The following OXR1 variants were observed in gnomAD, a reference collection of about 807,000 sequenced individuals.
OXR1 encodes the protein oxidation resistance 1.
Under a neutral mutation model 104.6 loss-of-function variants are expected in OXR1, and 41 were observed. The ratio of observed to expected loss-of-function variants is 0.39; its 90% CI spans 0.31 to 0.51. The LOEUF (loss-of-function observed/expected upper bound fraction) is 0.51, where lower values mean the gene tolerates loss of function less well. OXR1 is among the 20% of genes least tolerant of loss of function. The pLI, the probability that OXR1 is intolerant of heterozygous loss-of-function variation, is 0.77. For synonymous variants in OXR1, 348 were observed against 348.4 expected, an observed-to-expected ratio of 1.00 and a Z score of 0.01; for missense variants, 955 against 1,031.9, an observed-to-expected ratio of 0.93 and a Z score of 1.02.
intron 1 of OXR1, among the ~76,000 whole-genome samples, chr8:106,273,605 A>G (rs185350340): frequency 6.6e-6 from 1 of 152,366 alleles, no homozygotes; most frequent in Admixed American, 6.5e-5. Flanking sequence ...TTGGCTTTCA[A>G]TAAGATGTGC....
chr8:106,651,881 G>A (rs1013107375), intron 3 of OXR1, among the ~76,000 whole-genome samples: 3 of 152,012 alleles, frequency 2.0e-5, no homozygotes, highest in Non-Finnish European at 4.4e-5. Flanking sequence ...AAGTTTTCTA[G>A]TCCATGTATA....
At chr8:106,504,082 G>T (rs1379513631) in intron 2 of OXR1, among the ~76,000 whole-genome samples, 35 of 152,318 alleles carry the variant, frequency 2.3e-4, no homozygotes, top group Admixed American at 2.0e-3. Context: ...ATCTAGTACA[G>T]TGCTTTGAAC....
chr8:106,562,033 G>A (rs1816723031), intron 3 of OXR1, among the ~76,000 whole-genome samples: 1 of 152,086 alleles, frequency 6.6e-6, no homozygotes, highest in Admixed American at 6.6e-5. Flanking sequence ...AGTGCAAAAA[G>A]GCTAAAAATT....
At chr8:106,401,046 A>C (rs1159253042) in intron 2 of OXR1, among the ~76,000 whole-genome samples, 2 of 152,188 alleles carry the variant, frequency 1.3e-5, no homozygotes, top group African/African-American at 4.8e-5. Flanking sequence ...ACTACATGAC[A>C]AATGTTTTTT....
At chr8:106,666,825 T>C (rs1031307117) in intron 3 of OXR1, among the ~76,000 whole-genome samples, 1 of 152,142 alleles carries the variant, frequency 6.6e-6, no homozygotes, top group Non-Finnish European at 1.5e-5. Context: ...GACCTTAACA[T>C]GATTCTTGCT....
chr8:106,472,926 A>G (rs557697361), intron 2 of OXR1, among the ~76,000 whole-genome samples: 1 of 151,836 alleles, frequency 6.6e-6, no homozygotes, highest in African/African-American at 2.4e-5. Flanking sequence ...GTTTTTCCCT[A>G]ACAGTAAGCC....
chr8:106,346,038 T>C (rs1563729354), intron 1 of OXR1, among the ~76,000 whole-genome samples: 1 of 152,134 alleles, frequency 6.6e-6, no homozygotes, highest in Non-Finnish European at 1.5e-5. Context: ...GATGGAATCA[T>C]TGGAATGAAG....
At chr8:106,531,579 G>C (rs1307932863) in intron 3 of OXR1, among the ~76,000 whole-genome samples, 1 of 152,018 alleles carries the variant, frequency 6.6e-6, no homozygotes, top group Non-Finnish European at 1.5e-5. Flanking sequence ...AATATCATAG[G>C]TGCCCACAGA....
intron 2 of OXR1, among the ~76,000 whole-genome samples, chr8:106,469,036 G>GT (rs1349734476): frequency 2.0e-5 from 3 of 150,766 alleles, no homozygotes; most frequent in East Asian, 2.0e-4. Context: ...TGTTGTTGTT[G>GT]TGTGTGTGTG....
intron 2 of OXR1, 61 bp from the exon 3 acceptor site, chr8:106,518,882 A>G: frequency 7.9e-7 from 1 of 1,261,074 alleles, no homozygotes; most frequent in Non-Finnish European, 1.1e-6. Flanking sequence ...AAAATTATAA[A>G]CATGGAACAA....
intron 1 of OXR1, among the ~76,000 whole-genome samples, chr8:106,339,519 A>AAATATAT (rs869120573): frequency 1.2e-4 from 4 of 33,364 alleles, no homozygotes; most frequent in Non-Finnish European, 1.6e-4. Context: ...AAAAAAAAAA[A>AAATATAT]ATATATATAT....
chr8:106,485,141 A>T (rs1296796061), intron 2 of OXR1, among the ~76,000 whole-genome samples: 1 of 151,982 alleles, frequency 6.6e-6, no homozygotes, highest in Non-Finnish European at 1.5e-5. Flanking sequence ...ACAACAAAAA[A>T]ATCCATTGTT....
chr8:106,546,892 C>G (rs1344096043), intron 3 of OXR1, among the ~76,000 whole-genome samples: 1 of 151,880 alleles, frequency 6.6e-6, no homozygotes, highest in Non-Finnish European at 1.5e-5. Context: ...ACTATTTTAA[C>G]CTGTTTGTTT....
chr8:106,398,528 C>A (rs966893901), intron 2 of OXR1, among the ~76,000 whole-genome samples: 1 of 152,100 alleles, frequency 6.6e-6, no homozygotes, highest in Non-Finnish European at 1.5e-5. Context: ...TGATCACAAC[C>A]CTTTCTATTT....
chr8:106,593,754 C>T (rs567351337), intron 3 of OXR1, among the ~76,000 whole-genome samples: 6 of 152,146 alleles, frequency 3.9e-5, no homozygotes, highest in South Asian at 2.1e-4. Context: ...CCAGCCTGGG[C>T]GACAGAGCGA....
intron 2 of OXR1, among the ~76,000 whole-genome samples, chr8:106,388,400 C>T (rs1015708840): frequency 2.6e-5 from 4 of 151,900 alleles, no homozygotes; most frequent in African/African-American, 9.7e-5. Context: ...TTGTTAGCCC[C>T]AAGGTCTCAC....
intron 3 of OXR1, among the ~76,000 whole-genome samples, chr8:106,548,466 C>A (rs1815546684): frequency 1.3e-5 from 2 of 152,028 alleles, no homozygotes; most frequent in Admixed American, 6.6e-5. Context: ...TTTCTAATAT[C>A]TCACTATAAA....
rs1554639537 is a variant in OXR1, at chr8:106,752,226, GT to G, written c.*1286del. Reference sequence around the variant, plus strand: ...ATATCTTGTAAATTAATGTTTAAAGGTGTAGTTTTGTTCTTACAGAAAGTGT... The same window carrying G: ...ATATCTTGTAAATTAATGTTTAAAGGGTAGTTTTGTTCTTACAGAAAGTGT... On this transcript the variant is annotated 3_prime_UTR_variant, in exon 17 of 17. Transcript: ENST00000517566. The G allele has an allele frequency of 3.1e-4, 1 of 3,260 alleles. No homozygotes were observed. Among genetic ancestry groups the G allele is most frequent in the Admixed American group, 5.0e-3 (1 of 202 alleles). 0.2% of individuals were successfully genotyped at this position (3,260 alleles called of 1,614,324 possible). A position where few individuals can be genotyped will look rare whatever the true frequency, so the allele number is the denominator to read the frequency against.
chr8:106,347,501 T>C (rs62527972), intron 1 of OXR1, among the ~76,000 whole-genome samples: 8,342 of 152,250 alleles, frequency 0.055, 326 homozygotes, highest in Middle Eastern at 0.095. Context: ...TTATATAACC[T>C]TTATAACATA....
Sources: allele counts gnomAD v4.1 joint callset (sites outside exome capture counted in the v4.1 genomes callset), GRCh38; gene constraint gnomAD v4.1.1; transcripts MANE v1.5; gene names NCBI Gene and HGNC (gene_info 2026-07-23, HGNC 2026-07-21).